Variants in UTS2 observed in about 807,000 individuals in gnomAD.
The protein encoded by UTS2 is urotensin-2.
Under a neutral mutation model 12.6 loss-of-function variants are expected in UTS2, and 10 were observed. That is an observed-to-expected ratio of 0.80 (90% CI 0.49 to 1.35). The LOEUF (loss-of-function observed/expected upper bound fraction) is 1.35, where lower values mean the gene tolerates loss of function less well. UTS2 is among the 40% of genes most tolerant of loss of function. The pLI is 0.00. For synonymous variants in UTS2, 52 were observed against 50.0 expected (o/e 1.04, Z -0.17); for missense variants, 142 against 143.2 (o/e 0.99, Z 0.04).
At chr1:7,853,925 T>C (rs965484849), upstream of UTS2, among the ~76,000 whole-genome samples, 5 of 152,218 alleles carry the variant, frequency 3.3e-5, no homozygotes, top group Non-Finnish European at 7.3e-5. Context: ...TCTGTGGACC[T>C]AAACACAAAA....
chr1:7,869,853 G>A, the UTS2 span, among the ~76,000 whole-genome samples: 1 of 152,248 alleles, frequency 6.6e-6, no homozygotes, highest in Non-Finnish European at 1.5e-5. Context: ...AATGATGCCT[G>A]AAAGGCTTCA....
At chr1:7,909,278 C>T in the UTS2 span, among the ~76,000 whole-genome samples, 1,078 of 152,158 alleles carry the variant, frequency 7.1e-3, 8 homozygotes, top group Middle Eastern at 0.017. Flanking sequence ...TAGTACTGGG[C>T]TTACGCCTGT....
the UTS2 span, among the ~76,000 whole-genome samples, chr1:7,904,290 A>C: frequency 6.7e-6 from 1 of 150,118 alleles, no homozygotes. Context: ...ACACAATGGG[A>C]CCAGGTCTCT....
the UTS2 span, among the ~76,000 whole-genome samples, chr1:7,889,456 A>G: frequency 6.0e-5 from 9 of 149,692 alleles, no homozygotes; most frequent in African/African-American, 2.0e-4. Flanking sequence ...AAAAAAAAAA[A>G]AAAAAAAGAA....
chr1:7,871,428 C>T, the UTS2 span, among the ~76,000 whole-genome samples: 1 of 152,194 alleles, frequency 6.6e-6, no homozygotes, highest in Non-Finnish European at 1.5e-5. Flanking sequence ...CCCAGGCTGG[C>T]TTCACTCCAC....
At chr1:7,903,628 G>A in the UTS2 span, among the ~76,000 whole-genome samples, 3 of 151,904 alleles carry the variant, frequency 2.0e-5, no homozygotes, top group Admixed American at 6.6e-5. Flanking sequence ...GGACTCAAGC[G>A]ATCCTCCCAC....
At chr1:7,898,729 G>A in the UTS2 span, among the ~76,000 whole-genome samples, 6 of 152,048 alleles carry the variant, frequency 3.9e-5, no homozygotes, top group East Asian at 5.8e-4. Flanking sequence ...CACCCACCTC[G>A]GCCTCCCAGA....
the UTS2 span, among the ~76,000 whole-genome samples, chr1:7,865,424 TGTGTGTCTGTCTGTCCG>T: frequency 0.23 from 11,122 of 48,332 alleles, 1,371 homozygotes; most frequent in South Asian, 0.46. Flanking sequence ...GCGGTCCCTC[TGTGTGTCTGTCTGTCCG>T]ATACCATCTT....
At chr1:7,859,100 A>G in the UTS2 span, among the ~76,000 whole-genome samples, 1 of 152,146 alleles carries the variant, frequency 6.6e-6, no homozygotes, top group African/African-American at 2.4e-5. Flanking sequence ...TTGGGTCCAG[A>G]GAAGTTGAGG....
the UTS2 span, among the ~76,000 whole-genome samples, chr1:7,884,589 A>G: frequency 6.6e-6 from 1 of 152,176 alleles, no homozygotes; most frequent in African/African-American, 2.4e-5. Flanking sequence ...GATTACAGGC[A>G]TGAGCCATCA....
the UTS2 span, among the ~76,000 whole-genome samples, chr1:7,862,281 A>G: frequency 3.3e-5 from 5 of 151,910 alleles, no homozygotes; most frequent in Non-Finnish European, 5.9e-5. Flanking sequence ...CTGCTGGGCC[A>G]GGCCTCTTCT....
the UTS2 span, among the ~76,000 whole-genome samples, chr1:7,861,177 G>T: frequency 6.6e-6 from 1 of 152,138 alleles, no homozygotes; most frequent in Non-Finnish European, 1.5e-5. Flanking sequence ...TGATCCCAGA[G>T]TTTTGGGCCT....
chr1:7,895,303 A>G, the UTS2 span, among the ~76,000 whole-genome samples: 1 of 152,130 alleles, frequency 6.6e-6, no homozygotes, highest in East Asian at 1.9e-4. Flanking sequence ...CGGGAGGCAG[A>G]GGTTGCAGTG....
chr1:7,872,299 C>CAA, the UTS2 span, among the ~76,000 whole-genome samples: 13,655 of 65,692 alleles, frequency 0.21, 2,127 homozygotes, highest in South Asian at 0.28. Flanking sequence ...GACTCTGTCT[C>CAA]AAAAAAAAAA....
At chr1:7,858,958 A>G in the UTS2 span, among the ~76,000 whole-genome samples, 1 of 152,180 alleles carries the variant, frequency 6.6e-6, no homozygotes, top group Non-Finnish European at 1.5e-5. Flanking sequence ...ATTGATAGGA[A>G]TTGACTTTGC....
At chr1:7,870,289 C>T in the UTS2 span, among the ~76,000 whole-genome samples, 2 of 152,180 alleles carry the variant, frequency 1.3e-5, no homozygotes, top group African/African-American at 4.8e-5. Flanking sequence ...GAGGGACGAC[C>T]GAGTGAGGAC....
chr1:7,880,340 G>C, the UTS2 span, among the ~76,000 whole-genome samples: 1 of 134,898 alleles, frequency 7.4e-6, no homozygotes, highest in Non-Finnish European at 1.5e-5. Flanking sequence ...AATCACAAAG[G>C]ATCAAAAAAG....
chr1:7,862,522 C>T, the UTS2 span, among the ~76,000 whole-genome samples: 6 of 152,176 alleles, frequency 3.9e-5, no homozygotes, highest in African/African-American at 1.4e-4. Flanking sequence ...ATTTGGCTCA[C>T]AGTTCTGCAG....
At chr1:7,904,165 C>A in the UTS2 span, among the ~76,000 whole-genome samples, 1 of 151,856 alleles carries the variant, frequency 6.6e-6, no homozygotes, top group African/African-American at 2.4e-5. Context: ...TTATACCTGG[C>A]TTTTAAGGAA....
Sources: allele counts gnomAD v4.1 joint callset (sites outside exome capture counted in the v4.1 genomes callset), GRCh38; gene constraint gnomAD v4.1.1; transcripts MANE v1.5; gene names NCBI Gene and HGNC (gene_info 2026-07-23, HGNC 2026-07-21).